The following NOS1 variants were observed in gnomAD, a reference collection of about 807,000 sequenced individuals.
NOS1 encodes nitric oxide synthase 1.
Under a neutral mutation model 164.5 loss-of-function variants are expected in NOS1, and 51 were observed. The ratio of observed to expected loss-of-function variants is 0.31; its 90% CI spans 0.25 to 0.39. The LOEUF (loss-of-function observed/expected upper bound fraction) is 0.39. Ranked by LOEUF, NOS1 falls within the 10% of genes least tolerant of loss-of-function variation. NOS1 has a pLI of 1.00. For missense variants in NOS1, 1,362 were observed against 1,885.6 expected (o/e 0.72, Z 5.14); for synonymous variants, 719 against 745.8 (o/e 0.96, Z 0.59).
chr12:117,240,246 A>G (rs2135950953), intron 20 of NOS1, among the ~76,000 whole-genome samples: 1 of 152,286 alleles, frequency 6.6e-6, no homozygotes, highest in East Asian at 1.9e-4. Context: ...AATTGCACTT[A>G]ACTAATTATT....
intron 5 of NOS1, 71 bp downstream of exon 5, chr12:117,288,003 T>C: frequency 6.3e-7 from 1 of 1,587,140 alleles, no homozygotes; most frequent in Non-Finnish European, 8.6e-7. Flanking sequence ...GTTTGCAAAG[T>C]TGGGGCTGAC....
chr12:117,305,626 A>C (rs548627547), intron 3 of NOS1, among the ~76,000 whole-genome samples: 1 of 152,108 alleles, frequency 6.6e-6, no homozygotes, highest in African/African-American at 2.4e-5. Flanking sequence ...GTGCCTATGG[A>C]GATGTCTAGC....
Position 117,325,253 on chromosome 12 carries a change from C to T in NOS1, c.725+5092G>A, listed in dbSNP as rs146223920. Among the ~76,000 whole-genome samples the T allele has an allele frequency of 4.1e-3, 619 of 152,288 alleles. 5 individuals are homozygous for T. Among genetic ancestry groups the T allele is most frequent in the Middle Eastern group, 0.014 (4 of 294 alleles). On this transcript the variant is annotated intron_variant, in intron 2 of 28. Coordinates refer to ENST00000317775, the MANE Select transcript of NOS1 (RefSeq NM_000620.5). ...GGGAGGATGAGCATTTTCCAGGCAG[C>T]CGTGTGCTCTAAGCGGCTTGAATCA... is the stretch of plus-strand genomic sequence containing the variant.
In NOS1 at chr12:117,213,364, T is replaced by A. The variant is rs9658568; in HGVS notation, c.*1945A>T. ...GGCTTCCCTTCAGGATTAGAAGGGG[T>A]GAGTGTGGGATGCTAAGTGTTTGTT... is the stretch of plus-strand genomic sequence containing the variant. On this transcript the variant is annotated 3_prime_UTR_variant, in exon 29 of 29. Transcript: ENST00000317775. The A allele has an allele frequency of 5.2e-4, 516 of 984,962 alleles. 5 individuals are homozygous for A. In the African/African-American group the frequency reaches 8.6e-3, roughly 16 times the overall value. The allele number at this position is 984,962 out of a possible 1,614,324, so 61.0% of individuals were successfully genotyped here. A position where few individuals can be genotyped will look rare whatever the true frequency, so the allele number is the denominator to read the frequency against.
At chr12:117,289,876 T>A (rs929908081) in intron 4 of NOS1, among the ~76,000 whole-genome samples, 2 of 152,220 alleles carry the variant, frequency 1.3e-5, no homozygotes, top group Non-Finnish European at 2.9e-5. Flanking sequence ...AGGAATATGC[T>A]TATTAAGGCC....
chr12:117,351,929 C>T (rs1165148084), intron 1 of NOS1, among the ~76,000 whole-genome samples: 1 of 152,084 alleles, frequency 6.6e-6, no homozygotes, highest in Non-Finnish European at 1.5e-5. Context: ...GCCTGTAATC[C>T]CAGCATTTTG....
In NOS1 at chr12:117,226,779, A is replaced by G. The variant is rs1334487546; in HGVS notation, c.3617-9T>C. 1 of 1,612,594 alleles carries G rather than the reference A, an allele frequency of 6.2e-7. No homozygotes were observed. Among genetic ancestry groups the G allele is most frequent in the Non-Finnish European group, 8.5e-7 (1 of 1,178,866 alleles). ...AATTGGTCCTTCTCCATCTAGTAGA[A>G]TAACCAAGGCAGTCAGGGCCACCCA... On this transcript the variant is annotated splice_polypyrimidine_tract_variant and intron_variant, in intron 23 of 28. Coordinates refer to ENST00000317775, the MANE Select transcript of NOS1 (RefSeq NM_000620.5).
chr12:117,214,976 A>C lies in NOS1; in HGVS notation c.*333T>G, dbSNP rs1407595328. 56 of 1,090,232 alleles carry C rather than the reference A, an allele frequency of 5.1e-5. No homozygotes were observed. The highest frequency in any genetic ancestry group is 6.2e-5 in the Non-Finnish European group (56 of 898,680). 67.5% of individuals were successfully genotyped at this position (1,090,232 alleles called of 1,614,324 possible). A position where few individuals can be genotyped will look rare whatever the true frequency, so the allele number is the denominator to read the frequency against. ...TAGTTCCTGCAGCCTTTCCAGGGGAACCCCAGAGAAAAAAACCCCCACAGC... is the reference window on the plus strand; with the variant it reads ...TAGTTCCTGCAGCCTTTCCAGGGGACCCCCAGAGAAAAAAACCCCCACAGC... On this transcript the variant is annotated 3_prime_UTR_variant, in exon 29 of 29. Coordinates refer to ENST00000317775, the MANE Select transcript of NOS1 (RefSeq NM_000620.5).
intron 2 of NOS1, among the ~76,000 whole-genome samples, chr12:117,322,209 T>A: frequency 8.9e-6 from 1 of 112,296 alleles, no homozygotes; most frequent in African/African-American, 3.2e-5. Flanking sequence ...TCTCCTTCCT[T>A]CCCTCCCTCT....
intron 22 of NOS1, among the ~76,000 whole-genome samples, chr12:117,228,324 T>C (rs998042720): frequency 6.6e-6 from 1 of 152,152 alleles, no homozygotes; most frequent in African/African-American, 2.4e-5. Flanking sequence ...CTCTAGACAG[T>C]GTGTCCTCAG....
rs557123369 is a variant in NOS1, at chr12:117,294,705, T to C, written c.853-4279A>G. Among the ~76,000 whole-genome samples the C allele has an allele frequency of 3.3e-5, 5 of 152,290 alleles. No homozygotes were observed. In the East Asian group the frequency reaches 7.7e-4, roughly 24 times the overall value. On this transcript the variant is annotated intron_variant, in intron 3 of 28. Coordinates refer to ENST00000317775, the MANE Select transcript of NOS1 (RefSeq NM_000620.5). ...GATTAGCAGCACTTGTGAGTTATTA[T>C]GTTGGGCACAGGGCACAAGTGGGCT...
chr12:117,311,150 G>A (rs752471053), intron 3 of NOS1, among the ~76,000 whole-genome samples: 2 of 152,174 alleles, frequency 1.3e-5, no homozygotes, highest in African/African-American at 2.4e-5. Context: ...CAGGCATGAG[G>A]CACTATGACC....
At chr12:117,225,236 A>G in intron 24 of NOS1, 99 bp from the exon 25 acceptor site, 1 of 1,465,600 alleles carries the variant, frequency 6.8e-7, no homozygotes, top group Non-Finnish European at 9.2e-7. Context: ...CGGTAGACAT[A>G]CAATGAGACT....
chr12:117,314,426 T>C (rs917482438), intron 2 of NOS1, among the ~76,000 whole-genome samples: 5 of 152,194 alleles, frequency 3.3e-5, no homozygotes, highest in African/African-American at 1.2e-4. Flanking sequence ...GGAGCCTCTA[T>C]AATATTCTGG....
intron 3 of NOS1, among the ~76,000 whole-genome samples, chr12:117,297,860 G>A (rs1028327347): frequency 2.0e-5 from 3 of 151,992 alleles, no homozygotes; most frequent in Admixed American, 6.6e-5. Flanking sequence ...TCACTGTCAC[G>A]AGCCTCACAG....
At chr12:117,254,895 A>G (rs757442060) in intron 16 of NOS1, among the ~76,000 whole-genome samples, 1 of 152,184 alleles carries the variant, frequency 6.6e-6, no homozygotes, top group African/African-American at 2.4e-5. Flanking sequence ...GTCCTTAGAC[A>G]TTTCAGGGCT....
intron 5 of NOS1, among the ~76,000 whole-genome samples, chr12:117,287,204 A>C (rs1371854960): frequency 6.6e-6 from 1 of 151,994 alleles, no homozygotes; most frequent in Non-Finnish European, 1.5e-5. Context: ...ACAGAGCAAG[A>C]CTCTGTCTCA....
intron 1 of NOS1, among the ~76,000 whole-genome samples, chr12:117,361,146 C>A (rs1877127390): frequency 6.6e-6 from 1 of 152,158 alleles, no homozygotes; most frequent in Non-Finnish European, 1.5e-5. Flanking sequence ...AGCCGGGCAG[C>A]GCCGAGGCTG....
intron 13 of NOS1, 22 bp downstream of exon 13, chr12:117,263,867 C>A: frequency 1.3e-6 from 2 of 1,599,476 alleles, no homozygotes; most frequent in Non-Finnish European, 1.7e-6. Context: ...TCCACCCCAC[C>A]CGCCCACTGC....
Sources: gnomAD v4.1 joint callset for allele counts (sites outside exome capture counted in the v4.1 genomes callset) on GRCh38, gnomAD v4.1.1 for gene constraint, MANE v1.5 for transcripts, NCBI Gene and HGNC (gene_info 2026-07-23, HGNC 2026-07-21) for gene names.